The following SGCD variants were observed in gnomAD, a reference collection of about 807,000 sequenced individuals.
The protein encoded by SGCD is sarcoglycan delta.
In SGCD, 18 loss-of-function variants were observed where a neutral mutation model predicts 36.6. The ratio of observed to expected loss-of-function variants is 0.49; its 90% CI spans 0.34 to 0.73. SGCD has a LOEUF of 0.73. SGCD is among the 30% of genes least tolerant of loss of function. The pLI, the probability that SGCD is intolerant of heterozygous loss-of-function variation, is 0.01. For missense variants in SGCD, 387 were observed against 346.7 expected, an observed-to-expected ratio of 1.12 and a Z score of -0.92; for synonymous variants, 133 against 130.6, an observed-to-expected ratio of 1.02 and a Z score of -0.12.
At chr5:156,047,698 C>T (rs993314949) in intron 1 of SGCD, among the ~76,000 whole-genome samples, 1 of 152,070 alleles carries the variant, frequency 6.6e-6, no homozygotes, top group Non-Finnish European at 1.5e-5. Context: ...ATGCACCTGG[C>T]CATACAAGAG....
At chr5:155,753,760 T>C in the SGCD span, among the ~76,000 whole-genome samples, 4 of 151,638 alleles carry the variant, frequency 2.6e-5, no homozygotes, top group Non-Finnish European at 5.9e-5. Context: ...CGTGTAGGGA[T>C]AGGGTTCCCA....
intron 1 of SGCD, among the ~76,000 whole-genome samples, chr5:155,894,423 T>C (rs566864820): frequency 1.9e-4 from 29 of 152,238 alleles, no homozygotes; most frequent in Middle Eastern, 3.4e-3. Flanking sequence ...ACACGAGCCT[T>C]TGAGATCAAG....
intron 3 of SGCD, among the ~76,000 whole-genome samples, chr5:156,175,426 G>T (rs1461606590): frequency 1.3e-5 from 2 of 151,626 alleles, no homozygotes; most frequent in African/African-American, 2.4e-5. Context: ...AAAAATATTC[G>T]TGTACCTTAA....
At chr5:156,006,533 A>G (rs1419737583) in intron 1 of SGCD, among the ~76,000 whole-genome samples, 1 of 152,208 alleles carries the variant, frequency 6.6e-6, no homozygotes, top group African/African-American at 2.4e-5. Context: ...CCATGTATCT[A>G]ATCATTTCCC....
At chr5:156,572,290 G>T (rs866627269) in intron 4 of SGCD, among the ~76,000 whole-genome samples, 1 of 152,094 alleles carries the variant, frequency 6.6e-6, no homozygotes, top group African/African-American at 2.4e-5. Context: ...AGTAATATGG[G>T]AATTCCACGC....
chr5:156,552,989 T>C (rs908546780), intron 4 of SGCD, among the ~76,000 whole-genome samples: 1 of 152,164 alleles, frequency 6.6e-6, no homozygotes, highest in African/African-American at 2.4e-5. Flanking sequence ...ATGATTCTGA[T>C]GGTTGGCAAG....
the SGCD span, among the ~76,000 whole-genome samples, chr5:155,864,039 G>A: frequency 2.6e-5 from 4 of 152,260 alleles, no homozygotes; most frequent in African/African-American, 7.2e-5. Context: ...TGTGTGTGTA[G>A]GGCCATGTGG....
chr5:156,758,439 G>T (rs1262101581), intron 8 of SGCD, among the ~76,000 whole-genome samples: 3 of 151,632 alleles, frequency 2.0e-5, no homozygotes, highest in Non-Finnish European at 4.4e-5. Context: ...TTCAATGAGA[G>T]AGGTTATCAG....
chr5:155,944,929 A>G (rs1051974553), intron 1 of SGCD, among the ~76,000 whole-genome samples: 6 of 152,170 alleles, frequency 3.9e-5, no homozygotes, highest in Non-Finnish European at 7.4e-5. Flanking sequence ...AATAATAATA[A>G]TAAGGGAGTG....
chr5:155,790,392 TTTGGTTCTTTGTTTAAATGC>T, the SGCD span, among the ~76,000 whole-genome samples: 1 of 152,030 alleles, frequency 6.6e-6, no homozygotes, highest in Non-Finnish European at 1.5e-5. Flanking sequence ...AGAATAATTT[TTTGGTTCTTTGTTTAAATGC>T]TAGCATGGAG....
intron 1 of SGCD, among the ~76,000 whole-genome samples, chr5:156,074,063 A>G (rs1246874456): frequency 6.6e-6 from 1 of 152,216 alleles, no homozygotes; most frequent in East Asian, 1.9e-4. Context: ...AGAGAAATGG[A>G]GGGATAATAT....
At chr5:156,218,164 A>G (rs1764622458) in intron 3 of SGCD, among the ~76,000 whole-genome samples, 2 of 152,174 alleles carry the variant, frequency 1.3e-5, no homozygotes, top group South Asian at 2.1e-4. Context: ...ATCCCAGCAA[A>G]TCGCTTGAAC....
the SGCD span, among the ~76,000 whole-genome samples, chr5:155,739,093 C>CA: frequency 6.6e-6 from 1 of 152,058 alleles, no homozygotes; most frequent in African/African-American, 2.4e-5. Flanking sequence ...TTTCACACCA[C>CA]AAAATCACCA....
At chr5:156,076,388 C>T (rs1270545928) in intron 1 of SGCD, among the ~76,000 whole-genome samples, 2 of 152,018 alleles carry the variant, frequency 1.3e-5, no homozygotes, top group East Asian at 1.9e-4. Flanking sequence ...CTTCATTTAC[C>T]ATAATTTTAT....
intron 3 of SGCD, among the ~76,000 whole-genome samples, chr5:156,264,561 G>A (rs1765953896): frequency 6.6e-6 from 1 of 152,078 alleles, no homozygotes; most frequent in South Asian, 2.1e-4. Flanking sequence ...TTATCACTTT[G>A]TTTTAAGCAT....
At chr5:155,984,940 T>A (rs1581027284) in intron 1 of SGCD, among the ~76,000 whole-genome samples, 1 of 152,248 alleles carries the variant, frequency 6.6e-6, no homozygotes, top group South Asian at 2.1e-4. Flanking sequence ...CTCATCACTA[T>A]GAGATTAATT....
rs148436168 is a variant in SGCD at position 156,106,779 on chromosome 5, T to G, written c.-281-11099T>G. 2.6e-3 allele frequency among the ~76,000 whole-genome samples: 397 copies of G among 152,314 alleles called. 1 individual carries two copies. The highest frequency in any genetic ancestry group is 4.0e-3 in the Non-Finnish European group (270 of 68,020). ...TCTCTTTCTTGCCCACTAATATCTGTGTATACAGAGTTAATCCCCTTTCAG... is the reference window on the plus strand; with the variant it reads ...TCTCTTTCTTGCCCACTAATATCTGGGTATACAGAGTTAATCCCCTTTCAG... On this transcript the variant is annotated intron_variant, in intron 1 of 9. Transcript: ENST00000517913.
At chr5:156,425,693 C>A (rs1173224375) in intron 3 of SGCD, among the ~76,000 whole-genome samples, 1 of 151,874 alleles carries the variant, frequency 6.6e-6, no homozygotes, top group Non-Finnish European at 1.5e-5. Context: ...AGTATGTAGC[C>A]TTTTATCCCT....
intron 1 of SGCD, among the ~76,000 whole-genome samples, chr5:156,010,507 G>T (rs1758836962): frequency 6.6e-6 from 1 of 152,152 alleles, no homozygotes; most frequent in Non-Finnish European, 1.5e-5. Context: ...GACTGCAATA[G>T]TTTTTCAGAT....
Sources: allele counts gnomAD v4.1 joint callset (sites outside exome capture counted in the v4.1 genomes callset), GRCh38; gene constraint gnomAD v4.1.1; transcripts MANE v1.5; gene names NCBI Gene and HGNC (gene_info 2026-07-23, HGNC 2026-07-21).